Variants in GRAP2 observed in about 807,000 individuals in gnomAD.
The protein encoded by GRAP2 is GRB2 related adaptor protein 2, also known as GRB2-related adapter protein 2.
Under a neutral mutation model 43.5 loss-of-function variants are expected in GRAP2, and 31 were observed. The ratio of observed to expected loss-of-function variants is 0.71; its 90% CI spans 0.54 to 0.96. The LOEUF (loss-of-function observed/expected upper bound fraction) is 0.96. GRAP2 is among the 40% of genes least tolerant of loss of function. The probability of loss-of-function intolerance (pLI) is 0.00; values close to 1 mark genes in which losing one functional copy is unlikely to be tolerated. For synonymous variants in GRAP2, 156 were observed against 164.8 expected (o/e 0.95, Z 0.41); for missense variants, 371 against 424.4 (o/e 0.87, Z 1.11).
intron 1 of GRAP2, among the ~76,000 whole-genome samples, chr22:39,934,949 A>G (rs1464279461): frequency 6.6e-6 from 1 of 152,224 alleles, no homozygotes; most frequent in Non-Finnish European, 1.5e-5. Context: ...TGAAGTGATT[A>G]AATCATCCTA....
intron 1 of GRAP2, among the ~76,000 whole-genome samples, chr22:39,928,906 CGTT>C (rs2066730205): frequency 6.6e-6 from 1 of 152,188 alleles, no homozygotes; most frequent in African/African-American, 2.4e-5. Context: ...AACCACATAA[CGTT>C]GGTGCAAATT....
At position 39,971,115 on chromosome 22, in the gene GRAP2, G is replaced by A. The variant is rs2067238942; in HGVS notation, c.*31G>A. The A allele has an allele frequency of 6.4e-7, 1 of 1,555,004 alleles. No individual in the cohort carries two copies. Among genetic ancestry groups the A allele is most frequent in the Non-Finnish European group, 8.8e-7 (1 of 1,139,530 alleles). On this transcript the variant is annotated 3_prime_UTR_variant, in exon 8 of 8. Transcript: ENST00000344138. ...TCAGGGGACAGAAGCTTTTTGTCTG[G>A]AGCTGCCCACAAGAAAGAGGGCAAG... is the stretch of plus-strand genomic sequence containing the variant.
At chr22:39,896,472 G>A (rs1159538923), upstream of GRAP2, among the ~76,000 whole-genome samples, 1 of 152,218 alleles carries the variant, frequency 6.6e-6, no homozygotes, top group Non-Finnish European at 1.5e-5. Flanking sequence ...TGGCAGGAAA[G>A]CTGGGGAATT....
At chr22:39,947,325 T>G in intron 2 of GRAP2, 141 bp downstream of exon 2, 1 of 660,224 alleles carries the variant, frequency 1.5e-6, no homozygotes, top group Non-Finnish European at 2.8e-6. Context: ...TGTGCACCCT[T>G]ATACCAGACA....
intron 2 of GRAP2, among the ~76,000 whole-genome samples, chr22:39,952,979 C>G (rs1601727962): frequency 6.6e-6 from 1 of 152,306 alleles, no homozygotes; most frequent in East Asian, 1.9e-4. Context: ...TGGAGCCAAG[C>G]TAGAAACCAG....
At chr22:39,955,721 C>T in intron 2 of GRAP2, 98 bp from the exon 3 acceptor site, 1 of 671,032 alleles carries the variant, frequency 1.5e-6, no homozygotes, top group Non-Finnish European at 2.8e-6. Flanking sequence ...ATATTTTCCT[C>T]TAAGTCCAAA....
At chr22:39,923,826 G>A (rs920656405) in intron 1 of GRAP2, among the ~76,000 whole-genome samples, 1 of 152,230 alleles carries the variant, frequency 6.6e-6, no homozygotes, top group African/African-American at 2.4e-5. Flanking sequence ...TGCCAGCTTA[G>A]ATGGTGGTTT....
intron 2 of GRAP2, among the ~76,000 whole-genome samples, chr22:39,950,924 C>T (rs1021315985): frequency 1.3e-5 from 2 of 152,246 alleles, no homozygotes; most frequent in Admixed American, 1.3e-4. Context: ...CTGACTACCC[C>T]AGCAATTCGC....
In GRAP2 at chr22:39,968,288, G is replaced by A. The variant is rs1368956298; in HGVS notation, c.690+16G>A. The stretch of plus-strand genomic sequence containing the variant: ...TTTCCACCAGGTATCTGGAAAGAAG[G>A]CAGTGGGCACAGTACGGTGGAAAGG... On this transcript the variant is annotated intron_variant, in intron 6 of 7. Transcript: ENST00000344138. The A allele has an allele frequency of 4.3e-6, 7 of 1,612,782 alleles. No individual in the cohort carries two copies. The East Asian group carries it at 8.9e-5, about 21-fold the overall frequency.
intron 2 of GRAP2, among the ~76,000 whole-genome samples, chr22:39,951,404 A>C (rs1196645125): frequency 1.3e-5 from 2 of 152,214 alleles, no homozygotes; most frequent in Non-Finnish European, 2.9e-5. Flanking sequence ...TCCTGCTAAA[A>C]TAGCAACCTA....
At chr22:39,931,256 C>T (rs562248930) in intron 1 of GRAP2, among the ~76,000 whole-genome samples, 1 of 152,256 alleles carries the variant, frequency 6.6e-6, no homozygotes, top group South Asian at 2.1e-4. Context: ...GAAAACGAAC[C>T]TGGATAGAAA....
chr22:39,957,453 A>G (rs1005824693), intron 3 of GRAP2, among the ~76,000 whole-genome samples: 1 of 152,136 alleles, frequency 6.6e-6, no homozygotes, highest in Non-Finnish European at 1.5e-5. Flanking sequence ...GCCTCCTGCA[A>G]GTGTGCTCAA....
At position 39,926,938 on chromosome 22, in the gene GRAP2, G is replaced by T. The variant is rs552718895; in HGVS notation, c.-14-20155G>T. The T allele has an allele frequency of 3.3e-4, 237 of 727,286 alleles. 1 individual carries two copies. The South Asian group carries it at 0.013, about 39-fold the overall frequency. 45.1% of individuals were successfully genotyped at this position (727,286 alleles called of 1,614,324 possible). On this transcript the variant is annotated intron_variant, in intron 1 of 7. Transcript: ENST00000344138. ...GGCAGAAGCTGCCACCCACTGCCTG[G>T]CTCCAGCCTGGATCCAGCCCAGTTT...
At chr22:39,897,917 C>T (rs1266653122), upstream of GRAP2, among the ~76,000 whole-genome samples, 1 of 152,160 alleles carries the variant, frequency 6.6e-6, no homozygotes, top group African/African-American at 2.4e-5. Context: ...AAACTTAAAA[C>T]CCAAGTCAGA....
chr22:39,970,841 C>A, intron 7 of GRAP2, 64 bp from the exon 8 acceptor site: 1 of 1,376,872 alleles, frequency 7.3e-7, no homozygotes, highest in Non-Finnish European at 9.8e-7. Flanking sequence ...GAGGAGCCAG[C>A]AGACCCTCCC....
At chr22:39,935,815 T>G (rs2066801271) in intron 1 of GRAP2, among the ~76,000 whole-genome samples, 1 of 152,200 alleles carries the variant, frequency 6.6e-6, no homozygotes, top group Admixed American at 6.5e-5. Context: ...CTGACACTTT[T>G]GTGTTTTGCC....
chr22:39,932,856 T>C (rs187826228), intron 1 of GRAP2, among the ~76,000 whole-genome samples: 2 of 152,194 alleles, frequency 1.3e-5, no homozygotes, highest in Admixed American at 6.5e-5. Flanking sequence ...GGCACTATTA[T>C]CATCCCTGTT....
At chr22:39,967,760 A>G (rs943793263) in intron 5 of GRAP2, among the ~76,000 whole-genome samples, 64 of 152,202 alleles carry the variant, frequency 4.2e-4, no homozygotes, top group Non-Finnish European at 6.5e-4. Flanking sequence ...ACACAGAGAA[A>G]AAACGAGCGC....
chr22:39,938,834 C>T (rs1348573604), intron 1 of GRAP2, among the ~76,000 whole-genome samples: 2 of 152,174 alleles, frequency 1.3e-5, no homozygotes, highest in Non-Finnish European at 2.9e-5. Context: ...GAGTGGGGAG[C>T]GCCCTGGGGC....
Sources: allele counts gnomAD v4.1 joint callset (sites outside exome capture counted in the v4.1 genomes callset), GRCh38; gene constraint gnomAD v4.1.1; transcripts MANE v1.5; gene names NCBI Gene and HGNC (gene_info 2026-07-23, HGNC 2026-07-21).